NTAQ1: variants seen among roughly 807,000 people sequenced by gnomAD.
NTAQ1 encodes the protein N-terminal glutamine amidase 1.
A neutral mutation model predicts 28.2 loss-of-function variants in NTAQ1; 21 were observed. The ratio of observed to expected loss-of-function variants is 0.74; its 90% CI spans 0.53 to 1.07. The LOEUF is 1.07. NTAQ1 is among the 50% of genes least tolerant of loss of function. The pLI, the probability that NTAQ1 is intolerant of heterozygous loss-of-function variation, is 0.00. For synonymous variants in NTAQ1, 105 were observed against 90.0 expected, an observed-to-expected ratio of 1.17 and a Z score of -0.94; for missense variants, 264 against 256.6, an observed-to-expected ratio of 1.03 and a Z score of -0.20.
In NTAQ1 at chr8:123,427,924, T is replaced by G. The variant is rs531244082; in HGVS notation, c.84T>G (p.Cys28Trp). 15 of 1,585,896 alleles carry G rather than the reference T, an allele frequency of 9.5e-6. No individual in the cohort carries two copies. The highest frequency in any genetic ancestry group is 1.4e-5 in the African/African-American group (1 of 73,774). ...RDACVYSSCY[C>W]EENIWKLCEY... Reference sequence around the variant, plus strand: ...TGATTAAACAATTATTTTATTTCAGTGAAGAAAATATTTGGAAGCTCTGTG... The same window carrying G: ...TGATTAAACAATTATTTTATTTCAGGGAAGAAAATATTTGGAAGCTCTGTG... Residue 28 changes from cysteine (C) to tryptophan (W), a missense_variant and splice_region_variant, in exon 2 of 6, where the codon TGT (cysteine) becomes TGG (tryptophan). Transcript: ENST00000287387.
At chr8:123,426,817 G>A (rs1374857991) in intron 1 of NTAQ1, among the ~76,000 whole-genome samples, 1 of 152,008 alleles carries the variant, frequency 6.6e-6, no homozygotes, top group East Asian at 1.9e-4. Context: ...AAAGTTAGCT[G>A]GGTGTGGTGC....
chr8:123,472,691 T>A (rs1393957881), downstream of NTAQ1, among the ~76,000 whole-genome samples: 1 of 152,232 alleles, frequency 6.6e-6, no homozygotes, highest in Non-Finnish European at 1.5e-5. Context: ...TTAAGTTAAT[T>A]ACATTTGCAG....
exon 7 of NTAQ1, among the ~76,000 whole-genome samples, chr8:123,468,676 A>C (rs1054552196): frequency 6.6e-6 from 1 of 152,206 alleles, no homozygotes; most frequent in East Asian, 1.9e-4. Context: ...TAGATGTGCA[A>C]ATATCTCTGT....
chr8:123,466,048 A>G (rs1035838693), intron 6 of NTAQ1, among the ~76,000 whole-genome samples: 4 of 152,168 alleles, frequency 2.6e-5, no homozygotes, highest in African/African-American at 4.8e-5. Context: ...GGGTGAGAGG[A>G]AGCCAAAGAG....
At chr8:123,466,381 G>A (rs970243086) in intron 6 of NTAQ1, among the ~76,000 whole-genome samples, 6 of 152,200 alleles carry the variant, frequency 3.9e-5, no homozygotes, top group Admixed American at 2.0e-4. Context: ...GGATTATGGC[G>A]CATGGTGCAA....
chr8:123,421,762 C>G (rs925434478), intron 1 of NTAQ1, among the ~76,000 whole-genome samples: 1 of 151,322 alleles, frequency 6.6e-6, no homozygotes, highest in African/African-American at 2.4e-5. Flanking sequence ...GATCTTGGCT[C>G]ACTGCAAGCT....
intron 5 of NTAQ1, among the ~76,000 whole-genome samples, chr8:123,440,179 G>A (rs1317995824): frequency 1.4e-4 from 12 of 85,294 alleles, no homozygotes; most frequent in African/African-American, 3.9e-4. Flanking sequence ...TTTTTGAGAC[G>A]GAGTCTTGCT....
downstream of NTAQ1, among the ~76,000 whole-genome samples, chr8:123,444,206 T>C (rs1363236259): frequency 1.3e-5 from 2 of 152,198 alleles, no homozygotes; most frequent in Non-Finnish European, 2.9e-5. Context: ...GTTTGTTTGC[T>C]TCTTTTTGTT....
chr8:123,443,523 C>T (rs747537216), downstream of NTAQ1, among the ~76,000 whole-genome samples: 24 of 152,178 alleles, frequency 1.6e-4, no homozygotes, highest in Non-Finnish European at 3.2e-4. Context: ...TGGGCTCAGC[C>T]CTACTTTGGG....
downstream of NTAQ1, among the ~76,000 whole-genome samples, chr8:123,449,853 G>A (rs1467031954): frequency 1.1e-5 from 1 of 86,978 alleles, no homozygotes; most frequent in Non-Finnish European, 2.2e-5. Context: ...ACTCTGGCTC[G>A]CTGCTTTCTC....
chr8:123,433,370 C>A (rs751492143), intron 3 of NTAQ1, among the ~76,000 whole-genome samples: 26 of 152,186 alleles, frequency 1.7e-4, no homozygotes, highest in Non-Finnish European at 2.2e-4. Flanking sequence ...CAATGGGGTC[C>A]TTTCCTCTGT....
chr8:123,457,179 G>C (rs1203368926), intron 6 of NTAQ1, among the ~76,000 whole-genome samples: 1 of 152,114 alleles, frequency 6.6e-6, no homozygotes, highest in Non-Finnish European at 1.5e-5. Flanking sequence ...CAATTCTCCT[G>C]CCTCAGCCTA....
At chr8:123,458,033 C>CAAAA (rs201846882) in intron 6 of NTAQ1, among the ~76,000 whole-genome samples, 1 of 85,396 alleles carries the variant, frequency 1.2e-5, no homozygotes, top group African/African-American at 5.2e-5. Context: ...GACTCTGTCT[C>CAAAA]AAAAAAAAAA....
At chr8:123,421,031 T>C (rs11994834) in intron 1 of NTAQ1, among the ~76,000 whole-genome samples, 53,685 of 150,600 alleles carry the variant, frequency 0.36, 9,468 homozygotes, top group East Asian at 0.55. Context: ...TTGGTCTGCC[T>C]GCCTCGGCCT....
rs570476013 is a variant in NTAQ1 at position 123,418,169 on chromosome 8, G to A, written c.83+1237G>A. ...TTCATTTTGAGAGAAAAGCAGATAA[G>A]GCCCGGTGCGATGGCTCACGCCTGT... On this transcript the variant is annotated intron_variant, in intron 1 of 5. Transcript: ENST00000287387. Among the ~76,000 whole-genome samples the A allele has an allele frequency of 2.4e-3, 366 of 152,330 alleles. 7 individuals are homozygous for A. The highest frequency in any genetic ancestry group is 0.02 in the Middle Eastern group (6 of 294).
At chr8:123,428,578 G>GT (rs34714492) in intron 2 of NTAQ1, among the ~76,000 whole-genome samples, 53,043 of 150,680 alleles carry the variant, frequency 0.35, 9,443 homozygotes, top group East Asian at 0.56. Flanking sequence ...ATGTAGACCT[G>GT]TTTTTTTTTG....
intron 1 of NTAQ1, among the ~76,000 whole-genome samples, chr8:123,421,923 G>A (rs926057054): frequency 3.3e-5 from 5 of 151,634 alleles, no homozygotes; most frequent in African/African-American, 4.8e-5. Flanking sequence ...CTCGTGATCC[G>A]CCTGCCTCGG....
At chr8:123,455,410 C>G (rs966639514) in intron 6 of NTAQ1, among the ~76,000 whole-genome samples, 1 of 151,218 alleles carries the variant, frequency 6.6e-6, no homozygotes, top group Non-Finnish European at 1.5e-5. Context: ...CCTCAAACCC[C>G]ATGCCCAGAA....
At chr8:123,455,787 G>T (rs1815633476) in intron 6 of NTAQ1, among the ~76,000 whole-genome samples, 1 of 152,118 alleles carries the variant, frequency 6.6e-6, no homozygotes, top group African/African-American at 2.4e-5. Context: ...TACTGCAGGT[G>T]TTCTGGGACC....
Sources: gnomAD v4.1 joint callset for allele counts (sites outside exome capture counted in the v4.1 genomes callset) on GRCh38, gnomAD v4.1.1 for gene constraint, MANE v1.5 for transcripts, NCBI Gene and HGNC (gene_info 2026-07-23, HGNC 2026-07-21) for gene names.